Variants in CHRNA7 observed in about 807,000 individuals in gnomAD.
The protein encoded by CHRNA7 is cholinergic receptor nicotinic alpha 7 subunit.
Under a neutral mutation model 48.0 loss-of-function variants are expected in CHRNA7, and 17 were observed. The observed-to-expected ratio is 0.35, with a 90% CI of 0.24 to 0.53. The LOEUF is 0.53. Ranked by LOEUF, CHRNA7 falls within the 20% of genes least tolerant of loss-of-function variation. CHRNA7 has a pLI of 0.92. For missense variants in CHRNA7, 155 were observed against 577.7 expected (o/e 0.27, Z 7.50); for synonymous variants, 75 against 242.3 (o/e 0.31, Z 6.41).
chr15:32,092,180 CTT>C (rs2050395046), intron 2 of CHRNA7, among the ~76,000 whole-genome samples: 1 of 152,198 alleles, frequency 6.6e-6, no homozygotes, highest in Non-Finnish European at 1.5e-5. Flanking sequence ...ATGCCAGTAA[CTT>C]AATTTTTTAG....
At chr15:32,137,874 C>G (rs2051301147) in intron 4 of CHRNA7, among the ~76,000 whole-genome samples, 1 of 152,150 alleles carries the variant, frequency 6.6e-6, no homozygotes, top group Non-Finnish European at 1.5e-5. Context: ...CAACAATTGT[C>G]CTCCTCAGTA....
chr15:32,087,550 A>G (rs754016733), intron 2 of CHRNA7, among the ~76,000 whole-genome samples: 3 of 152,250 alleles, frequency 2.0e-5, no homozygotes, highest in Non-Finnish European at 4.4e-5. Flanking sequence ...ATGTGTATAT[A>G]GTAGTTCATA....
In CHRNA7 at chr15:32,030,946, A is replaced by G. The variant is rs2141154220; in HGVS notation, c.104A>G (p.Lys35Arg). 1 of 1,614,188 alleles carries G rather than the reference A, an allele frequency of 6.2e-7. No homozygotes were observed. The highest frequency in any genetic ancestry group is 8.5e-7 in the Non-Finnish European group (1 of 1,180,004). The part of the protein sequence containing the change: ...FQRKLYKELV[K>R]NYNPLERPVA... ...AGGAAGCTTTACAAGGAGCTGGTCA[A>G]GAACTACAATCCCTTGGAGAGGCCC... The change falls in exon 2 of 10, where the codon AAG becomes AGG. Residue 35 changes from lysine to arginine, a missense_variant. Coordinates refer to ENST00000306901, the MANE Select transcript of CHRNA7 (RefSeq NM_000746.6).
intron 2 of CHRNA7, among the ~76,000 whole-genome samples, chr15:32,055,195 G>A (rs939077141): frequency 1.6e-4 from 25 of 151,702 alleles, no homozygotes; most frequent in African/African-American, 5.8e-4. Context: ...ATTTTGAGAA[G>A]TGTCTAATCG....
rs201813039 is a variant in CHRNA7, at chr15:32,030,887, C to G, written c.56-11C>G. Reference sequence around the variant, plus strand: ...GCCCTGAGCCCCCTGCCCGGGTCTTCTCTCCTTAAGTGTCCCTGCAAGGCG... The same window carrying G: ...GCCCTGAGCCCCCTGCCCGGGTCTTGTCTCCTTAAGTGTCCCTGCAAGGCG... On this transcript the variant is annotated splice_polypyrimidine_tract_variant and intron_variant, in intron 1 of 9. Coordinates refer to ENST00000306901, the MANE Select transcript of CHRNA7 (RefSeq NM_000746.6). 24 of 1,612,898 alleles carry G rather than the reference C, an allele frequency of 1.5e-5. No individual in the cohort carries two copies. Among genetic ancestry groups the G allele is most frequent in the Non-Finnish European group, 1.8e-5 (21 of 1,179,678 alleles).
chr15:32,098,161 C>T (rs1380989422), intron 2 of CHRNA7, among the ~76,000 whole-genome samples: 1 of 152,158 alleles, frequency 6.6e-6, no homozygotes, highest in Non-Finnish European at 1.5e-5. Flanking sequence ...AATCCCGAGG[C>T]AAGGAAGTTG....
chr15:32,157,039 C>T (rs1472990105), intron 5 of CHRNA7: 1 of 62,014 alleles, frequency 1.6e-5, no homozygotes, highest in Non-Finnish European at 3.5e-5. Flanking sequence ...ACTGGGATTA[C>T]GGGCATGAGA....
chr15:32,072,793 A>G (rs1463079122), intron 2 of CHRNA7, among the ~76,000 whole-genome samples: 1 of 152,250 alleles, frequency 6.6e-6, no homozygotes, highest in Non-Finnish European at 1.5e-5. Flanking sequence ...ATGTGGTACT[A>G]AGTCTGCAGG....
At chr15:32,145,238 C>T (rs1282704466) in intron 4 of CHRNA7, among the ~76,000 whole-genome samples, 1 of 152,188 alleles carries the variant, frequency 6.6e-6, no homozygotes, top group Non-Finnish European at 1.5e-5. Flanking sequence ...TGAGTATCAC[C>T]AGCAGAGGCT....
At chr15:32,053,492 A>G (rs6494182) in intron 2 of CHRNA7, among the ~76,000 whole-genome samples, 135,609 of 152,236 alleles carry the variant, frequency 0.89, 60,913 homozygotes, top group South Asian at 0.97. Context: ...GTTATAAACC[A>G]TTATAGCCAA....
intron 4 of CHRNA7, among the ~76,000 whole-genome samples, chr15:32,132,849 G>A (rs1353526198): frequency 6.6e-6 from 1 of 152,146 alleles, no homozygotes; most frequent in Non-Finnish European, 1.5e-5. Context: ...CATAGCAAGT[G>A]GCATTTTTCT....
At chr15:32,148,032 A>G (rs150528566) in intron 4 of CHRNA7, among the ~76,000 whole-genome samples, 1 of 152,210 alleles carries the variant, frequency 6.6e-6, no homozygotes, top group African/African-American at 2.4e-5. Flanking sequence ...TCCTTTTTGG[A>G]TAGATTTCAT....
At chr15:32,085,626 T>C (rs1474002479) in intron 2 of CHRNA7, among the ~76,000 whole-genome samples, 3 of 152,230 alleles carry the variant, frequency 2.0e-5, no homozygotes, top group African/African-American at 7.2e-5. Flanking sequence ...TAAAAGTATT[T>C]TCAGAGTTTC....
chr15:32,131,078 A>T (rs968450189), intron 4 of CHRNA7, among the ~76,000 whole-genome samples: 21 of 151,942 alleles, frequency 1.4e-4, no homozygotes, highest in Admixed American at 4.6e-4. Flanking sequence ...CCCCTTACGG[A>T]TCATTTTTCT....
At chr15:32,035,364 A>G (rs1304618992) in intron 2 of CHRNA7, among the ~76,000 whole-genome samples, 1 of 152,252 alleles carries the variant, frequency 6.6e-6, no homozygotes, top group African/African-American at 2.4e-5. Flanking sequence ...AAGCATGTCC[A>G]GAAGTCAAGT....
intron 2 of CHRNA7, 97 bp downstream of exon 2, chr15:32,031,134 G>A: frequency 6.7e-7 from 1 of 1,488,164 alleles, no homozygotes; most frequent in Non-Finnish European, 9.2e-7. Flanking sequence ...GAGCTCGGCT[G>A]GGGCACTCTA....
intron 3 of CHRNA7, among the ~76,000 whole-genome samples, chr15:32,108,563 C>T (rs1239953436): frequency 6.6e-6 from 1 of 152,166 alleles, no homozygotes; most frequent in Non-Finnish European, 1.5e-5. Flanking sequence ...GGGAAACCGT[C>T]ATGGGAGCCT....
chr15:32,068,860 A>C (rs1210621701), intron 2 of CHRNA7, among the ~76,000 whole-genome samples: 1 of 152,230 alleles, frequency 6.6e-6, no homozygotes, highest in Non-Finnish European at 1.5e-5. Flanking sequence ...TACATGAAGC[A>C]AAAAGAGACA....
At chr15:32,102,339 T>A (rs2050588198) in intron 3 of CHRNA7, 1 of 152,186 alleles carries the variant, frequency 6.6e-6, no homozygotes, top group African/African-American at 2.4e-5. Context: ...AGAGACAGGG[T>A]TTCTTCATGT....
Sources: gnomAD v4.1 joint callset for allele counts (sites outside exome capture counted in the v4.1 genomes callset) on GRCh38, gnomAD v4.1.1 for gene constraint, MANE v1.5 for transcripts, NCBI Gene and HGNC (gene_info 2026-07-23, HGNC 2026-07-21) for gene names.